Variants in ZNF436 observed in about 807,000 individuals in gnomAD.
The protein encoded by ZNF436 is DNA-binding protein.
A neutral mutation model predicts 41.9 loss-of-function variants in ZNF436; 22 were observed. That is an observed-to-expected ratio of 0.53 (90% confidence interval 0.38 to 0.75). The LOEUF is 0.75. Ranked by LOEUF, ZNF436 falls within the 30% of genes least tolerant of loss-of-function variation. ZNF436 has a pLI of 0.00. For missense variants in ZNF436, 506 were observed against 587.3 expected (o/e 0.86, Z 1.43); for synonymous variants, 217 against 197.8 (o/e 1.10, Z -0.82).
rs1034593009 is a variant in ZNF436 at position 23,361,792 on chromosome 1, A to G, written c.*177T>C. 1.7e-6 allele frequency: 1 copy of G among 604,356 alleles called. No homozygotes were observed. The highest frequency in any genetic ancestry group is 2.7e-6 in the Non-Finnish European group (1 of 367,942). The allele number at this position is 604,356 out of a possible 1,614,324, so 37.4% of individuals were successfully genotyped here. A position where few individuals can be genotyped will look rare whatever the true frequency, so the allele number is the denominator to read the frequency against. ...AATAAAAATCACCATTTTGGAGGAG[A>G]TAACATTCCCAAAGCTGAGGGTCAG... On this transcript the variant is annotated 3_prime_UTR_variant, in exon 4 of 4. Transcript: ENST00000314011.
In ZNF436 at chr1:23,360,201, T is replaced by C. The variant is rs1402111246; in HGVS notation, c.*1768A>G. 2 of 152,210 alleles carry C rather than the reference T, an allele frequency of 1.3e-5. No individual in the cohort carries two copies. The highest frequency in any genetic ancestry group is 1.9e-4 in the East Asian group (1 of 5,196). The allele number at this position is 152,210 out of a possible 1,614,324, so 9.4% of individuals were successfully genotyped here. Reference sequence around the variant, plus strand: ...CCTGGAAGATGGGTTACTTTAAAGGTTGTGTTATTAACAAGTGATGTGGTC... The same window carrying C: ...CCTGGAAGATGGGTTACTTTAAAGGCTGTGTTATTAACAAGTGATGTGGTC... On this transcript the variant is annotated 3_prime_UTR_variant, in exon 4 of 4. Transcript: ENST00000314011.
intron 3 of ZNF436, 60 bp from the exon 4 acceptor site, chr1:23,363,281 G>T: frequency 6.9e-7 from 1 of 1,449,168 alleles, no homozygotes; most frequent in Non-Finnish European, 9.2e-7. Flanking sequence ...TGTGTGCCAG[G>T]CACTATACTA....
chr1:23,362,011 C>G lies in ZNF436; in HGVS notation c.1371G>C (p.Arg457Ser). The stretch of plus-strand genomic sequence containing the variant: ...TCTTATGTTTAATAAGAGCTGAGCT[C>G]CTGCTGAAACTCTTCTCACATTCGG... ...ECTECEKSFS[R>S]SSALIKHKRV... The change falls in exon 4 of 4, where the codon AGG (arginine) becomes AGC (serine). Residue 457 changes from arginine (R) to serine (S), a missense_variant. Arg to Ser is a moderately radical substitution (Grantham distance 110). Around this residue, in one of 2 missense-constraint regions of ZNF436, gnomAD observed 278 missense variants for 372.1 expected, o/e 0.75. Coordinates refer to ENST00000314011, the MANE Select transcript of ZNF436 (RefSeq NM_001077195.2). 6.2e-7 allele frequency: 1 copy of G among 1,613,298 alleles called. No individual in the cohort carries two copies. The highest frequency in any genetic ancestry group is 8.5e-7 in the Non-Finnish European group (1 of 1,179,636).
At chr1:23,368,689 C>T (rs1382920483) in intron 1 of ZNF436, among the ~76,000 whole-genome samples, 2 of 152,258 alleles carry the variant, frequency 1.3e-5, no homozygotes, top group Non-Finnish European at 2.9e-5. Flanking sequence ...CCTGCTTCGC[C>T]TCACGTCCCT....
Position 23,362,678 on chromosome 1 carries a change from G to T in ZNF436, c.704C>A (p.Ser235Tyr). The change falls in exon 4 of 4, where the codon TCT (serine) becomes TAT (tyrosine). Residue 235 changes from serine (S) to tyrosine (Y), a missense_variant. Physicochemically the swap from Ser to Tyr is moderately radical, Grantham distance 144. Coordinates refer to ENST00000314011, the MANE Select transcript of ZNF436 (RefSeq NM_001077195.2). Reference protein sequence around the residue: ...NECGKSFCRLSHLIQHQRTHS... With the variant: ...NECGKSFCRLYHLIQHQRTHS... ...GGTCCTTTGGTGTTGGATTAGGTGA[G>T]AGAGACGGCAGAAACTTTTTCCACA... 6.2e-7 allele frequency: 1 copy of T among 1,614,206 alleles called. No individual in the cohort carries two copies. The highest frequency in any genetic ancestry group is 1.3e-5 in the African/African-American group (1 of 75,046).
intron 3 of ZNF436, among the ~76,000 whole-genome samples, chr1:23,366,540 C>T (rs1638362214): frequency 6.6e-6 from 1 of 152,308 alleles, no homozygotes; most frequent in Middle Eastern, 3.4e-3. Flanking sequence ...GCATTTGACA[C>T]ACTACAAATC....
At chr1:23,364,248 G>GT (rs542491138) in intron 3 of ZNF436, among the ~76,000 whole-genome samples, 7 of 151,974 alleles carry the variant, frequency 4.6e-5, no homozygotes, top group Non-Finnish European at 1.0e-4. Flanking sequence ...GTTTTGTTTT[G>GT]TTTTTTGAGA....
chr1:23,361,202 T>C lies in ZNF436; in HGVS notation c.*767A>G, dbSNP rs1300808122. 1 of 152,646 alleles carries C rather than the reference T, an allele frequency of 6.6e-6. No individual in the cohort carries two copies. The allele number at this position is 152,646 out of a possible 1,614,324, so 9.5% of individuals were successfully genotyped here. A position where few individuals can be genotyped will look rare whatever the true frequency, so the allele number is the denominator to read the frequency against. On this transcript the variant is annotated 3_prime_UTR_variant, in exon 4 of 4. Transcript: ENST00000314011. Reference sequence around the variant, plus strand: ...GATATTTTCTATACAATATTCCCTATAGTGATCCCCAAAGAAAATTCATAA... The same window carrying C: ...GATATTTTCTATACAATATTCCCTACAGTGATCCCCAAAGAAAATTCATAA...
Position 23,361,855 on chromosome 1 carries a change from G to A in ZNF436, c.*114C>T, listed in dbSNP as rs567446150. The A allele has an allele frequency of 1.3e-5, 15 of 1,113,914 alleles. No homozygotes were observed. Among genetic ancestry groups the A allele is most frequent in the African/African-American group, 1.1e-4 (7 of 64,184 alleles). 69.0% of individuals were successfully genotyped at this position (1,113,914 alleles called of 1,614,324 possible). ...CTTGTCATCTCTGATGGTTTAAATC[G>A]TGGCCCACAACTAGGAGAGTATGAT... On this transcript the variant is annotated 3_prime_UTR_variant, in exon 4 of 4. Transcript: ENST00000314011.
chr1:23,366,383 C>T (rs762673609), intron 3 of ZNF436, among the ~76,000 whole-genome samples: 71 of 112,590 alleles, frequency 6.3e-4, no homozygotes, highest in Non-Finnish European at 1.3e-3. Context: ...GTCAAAAGAC[C>T]GTTCAGCTCA....
At chr1:23,367,667 T>C (rs981754534) in intron 2 of ZNF436, among the ~76,000 whole-genome samples, 1 of 152,242 alleles carries the variant, frequency 6.6e-6, no homozygotes, top group African/African-American at 2.4e-5. Context: ...GAGCACTTAC[T>C]ACGTTGTGCC....
intron 3 of ZNF436, 65 bp from the exon 4 acceptor site, chr1:23,363,286 A>G: frequency 7.1e-7 from 1 of 1,409,760 alleles, no homozygotes; most frequent in Non-Finnish European, 9.5e-7. Context: ...GCCAGGCACT[A>G]TACTAAATTT....
At position 23,367,846 on chromosome 1, in the gene ZNF436, G is replaced by A. The variant is rs571238945; in HGVS notation, c.33+127C>T. 4.9e-5 allele frequency: 51 copies of A among 1,043,952 alleles called. No homozygotes were observed. In the East Asian group the frequency reaches 1.2e-3, roughly 25 times the overall value. The allele number at this position is 1,043,952 out of a possible 1,614,324, so 64.7% of individuals were successfully genotyped here. On this transcript the variant is annotated intron_variant, in intron 2 of 3. Transcript: ENST00000314011. ...ATACTGGCCTGGTACTAGGCCCCTG[G>A]AGGCAGAATATCGAAGCCAGCGAAT...
At chr1:23,368,246 T>A (rs1638408960) in intron 1 of ZNF436, 181 bp from the exon 2 acceptor site, 1 of 564,356 alleles carries the variant, frequency 1.8e-6, no homozygotes, top group South Asian at 2.1e-5. Flanking sequence ...GTGGAGGCAA[T>A]GCCGGAATCT....
Position 23,367,083 on chromosome 1 carries a change from C to T in ZNF436, c.119G>A (p.Arg40Gln), listed in dbSNP as rs1372673007. The T allele has an allele frequency of 3.1e-6, 5 of 1,613,830 alleles. No homozygotes were observed. The highest frequency in any genetic ancestry group is 4.2e-6 in the Non-Finnish European group (5 of 1,179,930). ...PLDAAQRDLY[R>Q]DVMQENYGNV... ...TCCATAATTCTCCTGCATAACATCC[C>T]GGTAAAGGTCCCTCTGTGCAGCGTC... is the stretch of plus-strand genomic sequence containing the variant. The change falls in exon 3 of 4, where the codon CGG (arginine) becomes CAG (glutamine). Residue 40 changes from arginine to glutamine, a missense_variant. Transcript: ENST00000314011.
In ZNF436 at chr1:23,361,997, A is replaced by G. The variant is rs879661244; in HGVS notation, c.1385T>C (p.Ile462Thr). 3.1e-6 allele frequency: 5 copies of G among 1,610,226 alleles called. No homozygotes were observed. The highest frequency in any genetic ancestry group is 1.3e-5 in the African/African-American group (1 of 74,698). ...EKSFSRSSALIKHKRVHTD is the reference protein window; with the variant it reads ...EKSFSRSSALTKHKRVHTD ...GTCCGTATGAACTCTCTTATGTTTA[A>G]TAAGAGCTGAGCTCCTGCTGAAACT... The change falls in exon 4 of 4, where the codon ATT (isoleucine) becomes ACT (threonine). Residue 462 changes from isoleucine (I) to threonine (T), a missense_variant. Transcript: ENST00000314011.
chr1:23,367,604 C>T (rs1233228905), intron 2 of ZNF436, among the ~76,000 whole-genome samples: 3 of 152,182 alleles, frequency 2.0e-5, no homozygotes, highest in African/African-American at 4.8e-5. Flanking sequence ...TTAATCACGC[C>T]GACTTCTTGG....
intron 3 of ZNF436, among the ~76,000 whole-genome samples, chr1:23,363,848 T>C (rs763513431): frequency 1.9e-4 from 29 of 152,174 alleles, no homozygotes; most frequent in Non-Finnish European, 3.7e-4. Flanking sequence ...AAGACCAGCC[T>C]GGGCAATATA....
chr1:23,367,898 G>A (rs1405783212), intron 2 of ZNF436, 75 bp downstream of exon 2: 3 of 1,535,372 alleles, frequency 2.0e-6, no homozygotes, highest in South Asian at 2.3e-5. Context: ...TTTCCCACAG[G>A]GACTTGCAGA....
Sources: gnomAD v4.1 joint callset for allele counts (sites outside exome capture counted in the v4.1 genomes callset) on GRCh38, gnomAD v4.1.1 for gene constraint, gnomAD v4.1.1 regional missense constraint, MANE v1.5 for transcripts, NCBI Gene and HGNC (gene_info 2026-07-23, HGNC 2026-07-21) for gene names.